PNPT1: variants seen among roughly 807,000 people sequenced by gnomAD.
The protein encoded by PNPT1 is polyribonucleotide nucleotidyltransferase 1, mitochondrial.
In PNPT1, 53 loss-of-function variants were observed where a neutral mutation model predicts 119.5. The observed-to-expected ratio is 0.44, with a 90% confidence interval of 0.36 to 0.56. PNPT1 has a LOEUF of 0.56. Among genes scored for constraint, PNPT1 ranks in the 20% least tolerant of loss-of-function variants. The probability of loss-of-function intolerance (pLI) is 0.00; values close to 1 mark genes in which losing one functional copy is unlikely to be tolerated. For missense variants in PNPT1, 948 were observed against 938.5 expected (o/e 1.01, Z -0.13); for synonymous variants, 357 against 322.1 (o/e 1.11, Z -1.16).
rs200156764 is a variant in PNPT1 at position 55,686,457 on chromosome 2, G to C, written c.223-13C>G. The C allele has an allele frequency of 1.9e-5, 31 of 1,606,522 alleles. No homozygotes were observed. The highest frequency in any genetic ancestry group is 3.3e-4 in the Middle Eastern group (2 of 6,064). On this transcript the variant is annotated splice_polypyrimidine_tract_variant and intron_variant, in intron 2 of 27. Coordinates refer to ENST00000447944, the MANE Select transcript of PNPT1 (RefSeq NM_033109.5). Reference sequence around the variant, plus strand: ...CAGTGTCACCTGACTTAAACATAAAGAACAACGCTGGTAAGTTCCTTTGAA... The same window carrying C: ...CAGTGTCACCTGACTTAAACATAAACAACAACGCTGGTAAGTTCCTTTGAA...
chr2:55,650,190 CCT>C (rs1696128939), intron 18 of PNPT1, among the ~76,000 whole-genome samples: 1 of 150,032 alleles, frequency 6.7e-6, no homozygotes, highest in Admixed American at 6.7e-5. Context: ...TCTCCCTCTC[CCT>C]CTCTCCATGG....
chr2:55,688,620 G>A (rs964496242), intron 1 of PNPT1, among the ~76,000 whole-genome samples: 1 of 152,012 alleles, frequency 6.6e-6, no homozygotes, highest in Non-Finnish European at 1.5e-5. Flanking sequence ...AGCTACCAAG[G>A]AGGCCGAGGC....
intron 21 of PNPT1, 54 bp downstream of exon 21, chr2:55,646,205 T>C: frequency 1.3e-6 from 2 of 1,483,832 alleles, no homozygotes; most frequent in Non-Finnish European, 1.9e-6. Context: ...AGAACTATAG[T>C]TCCCATTAGC....
intron 15 of PNPT1, among the ~76,000 whole-genome samples, chr2:55,656,820 G>T (rs547731234): frequency 1.3e-5 from 2 of 152,042 alleles, no homozygotes; most frequent in Non-Finnish European, 2.9e-5. Context: ...AACTTTTTCA[G>T]ATATGAAACA....
chr2:55,659,110 A>G (rs982635734), intron 15 of PNPT1, among the ~76,000 whole-genome samples: 1 of 152,070 alleles, frequency 6.6e-6, no homozygotes. Context: ...ACATGCCACC[A>G]TGCTTGGCTA....
intron 18 of PNPT1, among the ~76,000 whole-genome samples, chr2:55,648,432 A>G (rs190672654): frequency 3.9e-5 from 6 of 152,352 alleles, no homozygotes; most frequent in Admixed American, 2.6e-4. Context: ...TTCTAAAGAC[A>G]TAGCATTTTA....
At chr2:55,658,188 G>A (rs979534605) in intron 15 of PNPT1, among the ~76,000 whole-genome samples, 1 of 152,016 alleles carries the variant, frequency 6.6e-6, no homozygotes, top group Admixed American at 6.6e-5. Flanking sequence ...AGCCAAGATG[G>A]TGCCACTGCA....
intron 13 of PNPT1, among the ~76,000 whole-genome samples, chr2:55,663,842 G>C (rs1360073638): frequency 6.6e-6 from 1 of 152,060 alleles, no homozygotes; most frequent in African/African-American, 2.4e-5. Flanking sequence ...AATTAGCCGG[G>C]CGTGGTGGCA....
intron 1 of PNPT1, among the ~76,000 whole-genome samples, chr2:55,688,758 AACAACAAC>A (rs1697500181): frequency 6.6e-6 from 1 of 151,370 alleles, no homozygotes; most frequent in African/African-American, 2.4e-5. Flanking sequence ...CAACAACAAC[AACAACAAC>A]AAAAAACTTT....
At chr2:55,660,929 C>T (rs1222052213) in intron 14 of PNPT1, among the ~76,000 whole-genome samples, 4 of 152,050 alleles carry the variant, frequency 2.6e-5, no homozygotes, top group Non-Finnish European at 5.9e-5. Context: ...GAATTATCCT[C>T]ATCAGTTGGG....
chr2:55,647,304 T>C (rs1204453719), intron 19 of PNPT1, 43 bp downstream of exon 19: 1 of 1,411,236 alleles, frequency 7.1e-7, no homozygotes, highest in African/African-American at 1.4e-5. Context: ...TTATTTATTT[T>C]TAGTCTTCAT....
rs201931980 is a variant in PNPT1 at position 55,647,397 on chromosome 2, C to T, written c.1552G>A (p.Asp518Asn). ...TCTTCTATTTCACCCTTCTCAGGAT[C>T]GGTTTTGGTGACCAATCCTATTGCT... is the stretch of plus-strand genomic sequence containing the variant. ...GVAIGLVTKT[D>N]PEKGEIEDYR... The change falls in exon 19 of 28, where the codon GAT becomes AAT. Residue 518 changes from aspartate (D) to asparagine (N), a missense_variant. Physicochemically the swap from Asp to Asn is conservative, Grantham distance 23. Transcript: ENST00000447944. 36 of 1,609,472 alleles carry T rather than the reference C, an allele frequency of 2.2e-5. No individual in the cohort carries two copies. Among genetic ancestry groups the T allele is most frequent in the East Asian group, 4.5e-5 (2 of 44,816 alleles).
chr2:55,693,632 G>T (rs780846113), intron 1 of PNPT1, 31 bp downstream of exon 1: 3 of 1,612,864 alleles, frequency 1.9e-6, no homozygotes, highest in Non-Finnish European at 2.5e-6. Flanking sequence ...GACACCTTAT[G>T]ACAATACAGT....
In PNPT1 at chr2:55,643,323, T is replaced by C. The variant is rs1268172388; in HGVS notation, c.2009A>G (p.Asp670Gly). Reference protein sequence around the residue: ...ARDFITEICKDDQEQQLEFGA... With the variant: ...ARDFITEICKGDQEQQLEFGA... ...ATTAATATGATCTATACTTACATCATCCTTGCAGATTTCAGTAATGAAGTC... is the reference window on the plus strand; with the variant it reads ...ATTAATATGATCTATACTTACATCACCCTTGCAGATTTCAGTAATGAAGTC... Residue 670 changes from aspartate (D) to glycine (G), a missense_variant, in exon 24 of 28, where the codon GAT becomes GGT. By Grantham distance (94) the Asp-to-Gly change is moderately conservative. Transcript: ENST00000447944. 1.2e-6 allele frequency: 2 copies of C among 1,613,806 alleles called. No individual in the cohort carries two copies. The highest frequency in any genetic ancestry group is 1.7e-6 in the Non-Finnish European group (2 of 1,179,786).
At chr2:55,680,349 T>C (rs1331318634) in intron 7 of PNPT1, among the ~76,000 whole-genome samples, 1 of 151,260 alleles carries the variant, frequency 6.6e-6, no homozygotes, top group African/African-American at 2.4e-5. Flanking sequence ...TTATATTGCA[T>C]GATTATGAAC....
At chr2:55,687,471 T>C (rs1697448813) in intron 2 of PNPT1, among the ~76,000 whole-genome samples, 174 bp downstream of exon 2, 2 of 151,990 alleles carry the variant, frequency 1.3e-5, no homozygotes, top group Non-Finnish European at 2.9e-5. Context: ...ATACATGCAG[T>C]GCTCTGGACT....
At chr2:55,645,586 C>T (rs568026440) in intron 21 of PNPT1, among the ~76,000 whole-genome samples, 154 bp from the exon 22 acceptor site, 8 of 152,196 alleles carry the variant, frequency 5.3e-5, no homozygotes, top group Non-Finnish European at 1.2e-4. Context: ...CTCATATTCT[C>T]TTCTCCAAAA....
At chr2:55,652,180 TTG>T (rs1491382589) in intron 18 of PNPT1, among the ~76,000 whole-genome samples, 18 of 113,384 alleles carry the variant, frequency 1.6e-4, no homozygotes, top group South Asian at 4.8e-4. Flanking sequence ...TAGTATCTTT[TTG>T]TTTTCAAACC....
intron 7 of PNPT1, among the ~76,000 whole-genome samples, chr2:55,680,420 C>T (rs1441685482): frequency 1.6e-5 from 1 of 60,916 alleles, no homozygotes; most frequent in Non-Finnish European, 3.2e-5. Flanking sequence ...TGATAATTTC[C>T]CAGTTAAAAA....
Sources: allele counts gnomAD v4.1 joint callset (sites outside exome capture counted in the v4.1 genomes callset), GRCh38; gene constraint gnomAD v4.1.1; transcripts MANE v1.5; gene names NCBI Gene and HGNC (gene_info 2026-07-23, HGNC 2026-07-21).